The following MAP2 variants were observed in gnomAD, a reference collection of about 807,000 sequenced individuals.
The protein encoded by MAP2 is microtubule-associated protein 2.
MAP2 carries 14 observed loss-of-function variants against 137.6 expected under a neutral mutation model. That is an observed-to-expected ratio of 0.10 (90% confidence interval 0.07 to 0.16). The LOEUF is 0.16. MAP2 is among the 10% of genes least tolerant of loss of function. The pLI is 1.00. For synonymous variants in MAP2, 786 were observed against 782.3 expected, an observed-to-expected ratio of 1.00 and a Z score of -0.08; for missense variants, 2,088 against 2,191.5, an observed-to-expected ratio of 0.95 and a Z score of 0.94.
intron 1 of MAP2, among the ~76,000 whole-genome samples, chr2:209,492,634 A>G (rs1330081680): frequency 6.6e-6 from 1 of 152,186 alleles, no homozygotes; most frequent in Non-Finnish European, 1.5e-5. Flanking sequence ...AAGCATTCCT[A>G]TACACCAATA....
intron 1 of MAP2, among the ~76,000 whole-genome samples, chr2:209,476,399 T>TG (rs1350990628): frequency 2.1e-5 from 3 of 145,936 alleles, no homozygotes; most frequent in Non-Finnish European, 4.5e-5. Context: ...TTTTCTTAGT[T>TG]TTTTTTTTTT....
At chr2:209,606,813 G>A (rs1041203275) in intron 3 of MAP2, among the ~76,000 whole-genome samples, 6 of 152,064 alleles carry the variant, frequency 3.9e-5, no homozygotes, top group Admixed American at 3.9e-4. Context: ...TCATTTAAAG[G>A]AACAATAACC....
intron 5 of MAP2, among the ~76,000 whole-genome samples, chr2:209,657,642 T>A (rs558697356): frequency 2.0e-5 from 3 of 152,252 alleles, no homozygotes; most frequent in Admixed American, 2.0e-4. Flanking sequence ...TTTTTCTTGT[T>A]GAGTTGTTTG....
rs563995808 is a variant in MAP2, at chr2:209,660,782, G to A, written c.262+7350G>A. 6.1e-3 allele frequency among the ~76,000 whole-genome samples: 891 copies of A among 147,150 alleles called. 7 individuals carry two copies. Among genetic ancestry groups the A allele is most frequent in the African/African-American group, 0.022 (866 of 39,970 alleles). On this transcript the variant is annotated intron_variant, in intron 5 of 15. Coordinates refer to ENST00000682079, the MANE Select transcript of MAP2 (RefSeq NM_001375505.1). ...CGAGTCTCGCTCTGTCGCCCAGGCT[G>A]GAGTGCAGTGGCGCGATCTCGGCTC...
chr2:209,604,563 C>T (rs1041888774), intron 3 of MAP2, among the ~76,000 whole-genome samples: 2 of 152,068 alleles, frequency 1.3e-5, no homozygotes, highest in African/African-American at 4.8e-5. Context: ...GCTTTCTCTT[C>T]GAAGCCTTTA....
chr2:209,457,642 G>A (rs1313384182), intron 1 of MAP2, among the ~76,000 whole-genome samples: 1 of 152,106 alleles, frequency 6.6e-6, no homozygotes, highest in Non-Finnish European at 1.5e-5. Flanking sequence ...CATTAAAAGA[G>A]GACAGGGATA....
intron 2 of MAP2, among the ~76,000 whole-genome samples, chr2:209,535,532 C>G (rs886803313): frequency 2.0e-5 from 3 of 151,282 alleles, no homozygotes; most frequent in African/African-American, 4.9e-5. Context: ...TTCAGTGAAG[C>G]CTTCCCTTGC....
intron 3 of MAP2, among the ~76,000 whole-genome samples, chr2:209,587,565 C>CCT (rs1485825860): frequency 6.6e-6 from 1 of 152,086 alleles, no homozygotes; most frequent in African/African-American, 2.4e-5. Flanking sequence ...TACCTTTCTG[C>CCT]CTCCAGTGCT....
At chr2:209,494,375 T>C (rs1260713319) in intron 1 of MAP2, among the ~76,000 whole-genome samples, 2 of 151,374 alleles carry the variant, frequency 1.3e-5, no homozygotes, top group East Asian at 3.9e-4. Context: ...GGCCCATATA[T>C]ACCTATGTAA....
intron 2 of MAP2, among the ~76,000 whole-genome samples, chr2:209,508,334 A>G (rs2061323670): frequency 6.6e-6 from 1 of 151,984 alleles, no homozygotes; most frequent in African/African-American, 2.4e-5. Flanking sequence ...CTTATGAAAG[A>G]ACAACATGCC....
chr2:209,516,784 T>C (rs1576871426), intron 2 of MAP2, among the ~76,000 whole-genome samples: 1 of 152,108 alleles, frequency 6.6e-6, no homozygotes, highest in Non-Finnish European at 1.5e-5. Flanking sequence ...GCACTTAGGG[T>C]ATCCCTTGGG....
intron 2 of MAP2, among the ~76,000 whole-genome samples, chr2:209,529,413 A>G (rs921100662): frequency 2.6e-4 from 39 of 152,166 alleles, no homozygotes; most frequent in African/African-American, 8.9e-4. Context: ...TGATGAAGAG[A>G]TGGTAACTGA....
Position 209,705,650 on chromosome 2 carries a change from G to C in MAP2, c.4655G>C (p.Arg1552Pro), listed in dbSNP as rs1255439477. Residue 1552 changes from arginine (R) to proline (P), a missense_variant, in exon 12 of 16, where the codon CGA (arginine) becomes CCA (proline). By Grantham distance (103) the Arg-to-Pro change is moderately radical. Transcript: ENST00000682079. The part of the protein sequence containing the change: ...PRPSSILPPR[R>P]GVSGDRDENS... ...CCTTCCTCCATTCTCCCTCCTCGGC[G>C]AGGTGTGTCAGGAGACAGAGATGAG... 21 of 1,613,314 alleles carry C rather than the reference G, an allele frequency of 1.3e-5. No individual in the cohort carries two copies. Among genetic ancestry groups the C allele is most frequent in the Non-Finnish European group, 1.8e-5 (21 of 1,179,462 alleles).
chr2:209,559,985 A>G (rs989532040), intron 2 of MAP2, among the ~76,000 whole-genome samples: 1 of 152,226 alleles, frequency 6.6e-6, no homozygotes, highest in African/African-American at 2.4e-5. Flanking sequence ...GTGCTATGAA[A>G]CAAGTATTCA....
chr2:209,610,781 A>C lies in MAP2; in HGVS notation c.-106-14272A>C, dbSNP rs576355070. ...ACAATAAACATGTTTTAGACCTATA[A>C]ATTCTAAAGGTACAGAAACCATTCT... On this transcript the variant is annotated intron_variant, in intron 3 of 15. Coordinates refer to ENST00000682079, the MANE Select transcript of MAP2 (RefSeq NM_001375505.1). Among the ~76,000 whole-genome samples, 5 of 152,252 alleles carry C rather than the reference A, an allele frequency of 3.3e-5. No homozygotes were observed. The East Asian group carries it at 9.7e-4, about 29-fold the overall frequency.
At chr2:209,665,789 A>G (rs552624103) in intron 5 of MAP2, among the ~76,000 whole-genome samples, 2 of 152,274 alleles carry the variant, frequency 1.3e-5, no homozygotes, top group South Asian at 2.1e-4. Flanking sequence ...TCAGTTAAAT[A>G]TAATTCCTTA....
At chr2:209,655,938 A>G (rs2095113168) in intron 5 of MAP2, among the ~76,000 whole-genome samples, 1 of 152,186 alleles carries the variant, frequency 6.6e-6, no homozygotes, top group Non-Finnish European at 1.5e-5. Flanking sequence ...TTTGCATTTT[A>G]AAATAATATT....
At chr2:209,449,939 CTATTT>C (rs1362939673) in intron 1 of MAP2, among the ~76,000 whole-genome samples, 2 of 151,766 alleles carry the variant, frequency 1.3e-5, no homozygotes, top group African/African-American at 4.8e-5. Context: ...TTCTTTTATT[CTATTT>C]TATTTTATTT....
chr2:209,596,559 G>C (rs549843575), intron 3 of MAP2, among the ~76,000 whole-genome samples: 3 of 152,242 alleles, frequency 2.0e-5, no homozygotes, highest in South Asian at 2.1e-4. Flanking sequence ...AAATGCATTT[G>C]TTTGGCTTTT....
Sources: gnomAD v4.1 joint callset for allele counts (sites outside exome capture counted in the v4.1 genomes callset) on GRCh38, gnomAD v4.1.1 for gene constraint, MANE v1.5 for transcripts, NCBI Gene and HGNC (gene_info 2026-07-23, HGNC 2026-07-21) for gene names.